SLC71A2: variants seen among roughly 807,000 people sequenced by gnomAD.
SLC71A2 encodes hippocampus abundant transcript-like 1.
the SLC71A2 span, chr9:94,459,506 C>G: frequency 7.3e-7 from 1 of 1,365,944 alleles, no homozygotes; most frequent in Non-Finnish European, 1.0e-6. Context: ...ATGGGAGACG[C>G]TAGCGGCATC....
the SLC71A2 span, chr9:94,451,557 AT>A: frequency 8.2e-7 from 1 of 1,212,918 alleles, no homozygotes; most frequent in East Asian, 2.5e-5. Flanking sequence ...TACTTAAAAA[AT>A]TTAAAAAATA....
the SLC71A2 span, among the ~76,000 whole-genome samples, chr9:94,405,780 C>T: frequency 4.6e-5 from 7 of 151,880 alleles, no homozygotes; most frequent in South Asian, 1.0e-3. Context: ...TTGGGGGTCC[C>T]TTAAGATTCT....
the SLC71A2 span, among the ~76,000 whole-genome samples, chr9:94,450,396 A>G: frequency 2.0e-5 from 3 of 152,146 alleles, no homozygotes; most frequent in Non-Finnish European, 4.4e-5. Context: ...CCTGGAAGCA[A>G]GACACTCATT....
At chr9:94,431,547 T>TA in the SLC71A2 span, among the ~76,000 whole-genome samples, 1 of 151,970 alleles carries the variant, frequency 6.6e-6, no homozygotes, top group African/African-American at 2.4e-5. Flanking sequence ...GTCTTTTTAC[T>TA]AAAGAAAAGC....
the SLC71A2 span, among the ~76,000 whole-genome samples, chr9:94,414,286 G>A: frequency 6.6e-6 from 1 of 152,146 alleles, no homozygotes; most frequent in African/African-American, 2.4e-5. Context: ...CAGGGAAAAC[G>A]AGTCAAGGCA....
chr9:94,406,801 T>TTG, the SLC71A2 span, among the ~76,000 whole-genome samples: 1 of 152,180 alleles, frequency 6.6e-6, no homozygotes, highest in African/African-American at 2.4e-5. Context: ...AACAGGTTTT[T>TTG]TGTGTGTGGA....
the SLC71A2 span, among the ~76,000 whole-genome samples, chr9:94,395,563 T>A: frequency 1.3e-5 from 2 of 152,186 alleles, no homozygotes; most frequent in African/African-American, 4.8e-5. Flanking sequence ...TCTTCAGGAT[T>A]GACCCCTTGT....
At chr9:94,423,265 C>CT in the SLC71A2 span, among the ~76,000 whole-genome samples, 213 of 140,132 alleles carry the variant, frequency 1.5e-3, no homozygotes, top group East Asian at 3.5e-3. Context: ...CTCTCTCTCT[C>CT]TTTTTTTTTT....
the SLC71A2 span, chr9:94,446,928 C>T: frequency 1.3e-6 from 2 of 1,556,148 alleles, no homozygotes; most frequent in South Asian, 1.1e-5. Context: ...TTTTCTCTAT[C>T]TCAGGCAGGT....
At chr9:94,429,336 T>C in the SLC71A2 span, 1,576 of 1,485,020 alleles carry the variant, frequency 1.1e-3, 8 homozygotes, top group African/African-American at 0.02. Context: ...AGTGGGACTT[T>C]GGGAAACAAA....
chr9:94,416,009 C>T, the SLC71A2 span, among the ~76,000 whole-genome samples: 981 of 152,190 alleles, frequency 6.4e-3, 9 homozygotes, highest in African/African-American at 0.021. Flanking sequence ...TTCAGTTTTT[C>T]GTAGCTTATC....
chr9:94,427,219 G>T, the SLC71A2 span, among the ~76,000 whole-genome samples: 1 of 152,122 alleles, frequency 6.6e-6, no homozygotes, highest in Non-Finnish European at 1.5e-5. Flanking sequence ...TTTTATGAAG[G>T]TTAGCCTTTT....
At chr9:94,374,963 C>A in the SLC71A2 span, 1,025 of 1,244,860 alleles carry the variant, frequency 8.2e-4, 4 homozygotes, top group African/African-American at 0.015. Context: ...GCCTGAATCC[C>A]GGGGAGGCTG....
At chr9:94,400,875 C>G in the SLC71A2 span, among the ~76,000 whole-genome samples, 1 of 152,154 alleles carries the variant, frequency 6.6e-6, no homozygotes, top group African/African-American at 2.4e-5. Context: ...CCATTTAACC[C>G]TACCCTCCAA....
chr9:94,379,190 G>A, the SLC71A2 span, among the ~76,000 whole-genome samples: 4 of 150,518 alleles, frequency 2.7e-5, no homozygotes, highest in Admixed American at 6.6e-5. Context: ...GGGTTCAAGC[G>A]ATTCTCCTGC....
the SLC71A2 span, chr9:94,456,317 A>G: frequency 2.5e-6 from 4 of 1,614,062 alleles, no homozygotes; most frequent in Non-Finnish European, 2.5e-6. Flanking sequence ...GTCTCTCGGA[A>G]TGCAGAGTCA....
At chr9:94,384,009 C>T in the SLC71A2 span, among the ~76,000 whole-genome samples, 1 of 152,098 alleles carries the variant, frequency 6.6e-6, no homozygotes, top group South Asian at 2.1e-4. Context: ...TGGTAAAATA[C>T]ACATAGCAAA....
At chr9:94,426,496 T>A in the SLC71A2 span, among the ~76,000 whole-genome samples, 6 of 152,126 alleles carry the variant, frequency 3.9e-5, no homozygotes, top group African/African-American at 1.4e-4. Context: ...TCTTTTCTCA[T>A]CTGTTCTGTA....
the SLC71A2 span, among the ~76,000 whole-genome samples, chr9:94,429,835 G>A: frequency 1.3e-5 from 2 of 151,216 alleles, no homozygotes; most frequent in Non-Finnish European, 2.9e-5. Context: ...TTTTTGCATT[G>A]CTTTAGTATA....
Sources: gnomAD v4.1 joint callset for allele counts (sites outside exome capture counted in the v4.1 genomes callset) on GRCh38, gnomAD v4.1.1 for gene constraint, MANE v1.5 for transcripts, NCBI Gene and HGNC (gene_info 2026-07-23, HGNC 2026-07-21) for gene names.